DLGAP2: variants seen among roughly 807,000 people sequenced by gnomAD.
DLGAP2 encodes the protein DLG associated protein 2, also known as disks large-associated protein 2.
A neutral mutation model predicts 100.3 loss-of-function variants in DLGAP2; 26 were observed. That is an observed-to-expected ratio of 0.26 (90% CI 0.19 to 0.36). DLGAP2 has a LOEUF of 0.36. DLGAP2 is among the 10% of genes least tolerant of loss of function. DLGAP2 has a pLI of 1.00. For synonymous variants in DLGAP2, 886 were observed against 630.1 expected (o/e 1.41, Z -6.08); for missense variants, 1,858 against 1,453.2 (o/e 1.28, Z -4.53).
At chr8:857,768 G>T (rs1000853425) in intron 1 of DLGAP2, among the ~76,000 whole-genome samples, 2 of 152,170 alleles carry the variant, frequency 1.3e-5, no homozygotes, top group Non-Finnish European at 2.9e-5. Context: ...ACCGCTAGGT[G>T]GTTCCTTACA....
chr8:1,066,079 C>T (rs1390601802), intron 2 of DLGAP2, among the ~76,000 whole-genome samples: 1 of 152,150 alleles, frequency 6.6e-6, no homozygotes, highest in African/African-American at 2.4e-5. Flanking sequence ...AGGACAGTTC[C>T]CCACAACGGT....
chr8:905,954 TTTGA>T lies in DLGAP2; in HGVS notation c.19-1949_19-1946del, dbSNP rs536060238. 6.6e-5 allele frequency among the ~76,000 whole-genome samples: 10 copies of T among 152,280 alleles called. No homozygotes were observed. In the South Asian group the frequency reaches 1.7e-3, roughly 25 times the overall value. On this transcript the variant is annotated intron_variant, in intron 1 of 14. Transcript: ENST00000637795. Reference sequence around the variant, plus strand: ...ATGGTGATAGAGTCCCATGCTCTGATTTGATTGATTGAGACTTTATTCCCGCTTC... The same window carrying T: ...ATGGTGATAGAGTCCCATGCTCTGATTTGATTGAGACTTTATTCCCGCTTC...
intron 1 of DLGAP2, among the ~76,000 whole-genome samples, chr8:797,285 T>C (rs1796055970): frequency 6.6e-6 from 1 of 152,242 alleles, no homozygotes; most frequent in Admixed American, 6.5e-5. Flanking sequence ...TTTCCTACTC[T>C]TAAAAAAATG....
At position 1,171,014 on chromosome 8, in the gene DLGAP2, G is replaced by T. The variant is rs560844826; in HGVS notation, c.74-87837G>T. ...TGGATCTTTCCTGCTTTCTCTTGTG[G>T]GCATTTAGTGCTATAAATTTCCCTC... is the stretch of plus-strand genomic sequence containing the variant. On this transcript the variant is annotated intron_variant, in intron 2 of 14. Transcript: ENST00000637795. 3.3e-5 allele frequency among the ~76,000 whole-genome samples: 5 copies of T among 151,248 alleles called. No homozygotes were observed. In the East Asian group the frequency reaches 9.8e-4, roughly 30 times the overall value.
chr8:1,114,358 T>C (rs1054718963), intron 2 of DLGAP2, among the ~76,000 whole-genome samples: 11 of 152,200 alleles, frequency 7.2e-5, no homozygotes, highest in African/African-American at 2.7e-4. Context: ...AACTATTCAT[T>C]ACTGATTCAA....
chr8:1,607,737 G>T (rs1474013168), intron 6 of DLGAP2, among the ~76,000 whole-genome samples: 6 of 152,254 alleles, frequency 3.9e-5, no homozygotes, highest in Admixed American at 3.3e-4. Flanking sequence ...GGAAGCGCAA[G>T]GGGTCAGGGA....
chr8:1,247,909 T>G (rs1462866050), intron 2 of DLGAP2, among the ~76,000 whole-genome samples: 3 of 3,552 alleles, frequency 8.4e-4, no homozygotes, highest in Non-Finnish European at 6.6e-4. Flanking sequence ...GATCAGTGTG[T>G]GAGTCTGATG....
intron 1 of DLGAP2, among the ~76,000 whole-genome samples, chr8:787,366 T>G (rs2132634009): frequency 6.6e-6 from 1 of 152,324 alleles, no homozygotes; most frequent in Middle Eastern, 3.4e-3. Context: ...CATATACCCC[T>G]GGTTAGCCAT....
chr8:1,690,703 C>CAAAAAAA (rs71190752), intron 12 of DLGAP2, among the ~76,000 whole-genome samples: 690 of 62,006 alleles, frequency 0.011, 32 homozygotes, highest in Middle Eastern at 0.036. Flanking sequence ...GACCCTATCT[C>CAAAAAAA]AAAAAAAAAA....
At chr8:839,292 G>T (rs193168343) in intron 1 of DLGAP2, among the ~76,000 whole-genome samples, 1 of 152,316 alleles carries the variant, frequency 6.6e-6, no homozygotes, top group Admixed American at 6.5e-5. Flanking sequence ...TATGTTCACT[G>T]CAGCATTATT....
intron 3 of DLGAP2, chr8:1,381,057 C>T (rs909486640): frequency 1.3e-5 from 2 of 149,970 alleles, no homozygotes; most frequent in Admixed American, 1.3e-4. Flanking sequence ...CTTTCTAAAT[C>T]AAAATTAGAC....
intron 2 of DLGAP2, among the ~76,000 whole-genome samples, chr8:1,158,652 CG>C (rs1343546289): frequency 2.0e-5 from 3 of 152,230 alleles, no homozygotes; most frequent in Non-Finnish European, 4.4e-5. Flanking sequence ...AACCCGCAGA[CG>C]GCCGTTGCAC....
chr8:978,706 A>G (rs551124192), intron 2 of DLGAP2, among the ~76,000 whole-genome samples: 14 of 150,536 alleles, frequency 9.3e-5, no homozygotes, highest in Non-Finnish European at 1.9e-4. Context: ...TGAGGGGCTG[A>G]GTTCTGGTCT....
chr8:890,686 C>T (rs1192187871), intron 1 of DLGAP2, among the ~76,000 whole-genome samples: 1 of 152,174 alleles, frequency 6.6e-6, no homozygotes, highest in East Asian at 1.9e-4. Context: ...CCAGCAGAGC[C>T]ACCTGTCCAG....
chr8:1,649,200 G>T (rs1798108968), intron 8 of DLGAP2, among the ~76,000 whole-genome samples: 1 of 152,124 alleles, frequency 6.6e-6, no homozygotes, highest in Non-Finnish European at 1.5e-5. Flanking sequence ...TTTTTAAACT[G>T]AAGCAAAAAC....
chr8:979,958 C>T lies in DLGAP2; in HGVS notation c.73+71992C>T, dbSNP rs529567501. On this transcript the variant is annotated intron_variant, in intron 2 of 14. Transcript: ENST00000637795. ...TGAGAGAGGGGCTGGGAGTGAGGCACGCAGAACCATGGAGCTGCTAAGGGG... is the reference window on the plus strand; with the variant it reads ...TGAGAGAGGGGCTGGGAGTGAGGCATGCAGAACCATGGAGCTGCTAAGGGG... Among the ~76,000 whole-genome samples, 12 of 152,236 alleles carry T rather than the reference C, an allele frequency of 7.9e-5. No homozygotes were observed. In the East Asian group the frequency reaches 9.6e-4, roughly 12 times the overall value.
intron 3 of DLGAP2, among the ~76,000 whole-genome samples, chr8:1,328,770 G>A (rs1191588726): frequency 2.6e-5 from 4 of 152,196 alleles, no homozygotes; most frequent in African/African-American, 4.8e-5. Flanking sequence ...AACGGGAGAC[G>A]GCGGAAATGT....
intron 2 of DLGAP2, among the ~76,000 whole-genome samples, chr8:1,178,943 G>C (rs1436338989): frequency 1.3e-5 from 2 of 152,088 alleles, no homozygotes; most frequent in African/African-American, 4.8e-5. Context: ...TCTGCACCTG[G>C]GGCCCACGCC....
chr8:890,758 C>A (rs903473966), intron 1 of DLGAP2, among the ~76,000 whole-genome samples: 1 of 152,128 alleles, frequency 6.6e-6, no homozygotes, highest in Non-Finnish European at 1.5e-5. Context: ...GGATCTGCTT[C>A]CTGTGTGTCT....
Sources: allele counts gnomAD v4.1 joint callset (sites outside exome capture counted in the v4.1 genomes callset), GRCh38; gene constraint gnomAD v4.1.1; transcripts MANE v1.5; gene names NCBI Gene and HGNC (gene_info 2026-07-23, HGNC 2026-07-21).